The following MAOB variants were observed in gnomAD, a reference collection of about 807,000 sequenced individuals.
MAOB encodes amine oxidase [flavin-containing] B.
In MAOB, 15 loss-of-function variants were observed where a neutral mutation model predicts 41.9. The ratio of observed to expected loss-of-function variants is 0.36; its 90% confidence interval spans 0.24 to 0.55. MAOB has a LOEUF of 0.55. MAOB is among the 20% of genes least tolerant of loss of function. MAOB has a pLI of 0.86. For missense variants in MAOB, 345 were observed against 398.7 expected (o/e 0.87, Z 1.15); for synonymous variants, 167 against 144.2 (o/e 1.16, Z -1.13).
intron 1 of MAOB, among the ~76,000 whole-genome samples, chrX:43,847,875 C>T (rs1003722005): frequency 5.4e-5 from 6 of 112,131 alleles, no homozygotes; most frequent in African/African-American, 1.9e-4. Flanking sequence ...GTCCCTATGT[C>T]CCCATGACAG....
At chrX:43,805,370 C>T (rs7062575) in intron 3 of MAOB, among the ~76,000 whole-genome samples, 294 of 111,651 alleles carry the variant, frequency 2.6e-3, no homozygotes, top group African/African-American at 8.8e-3. Flanking sequence ...CACATGTGTA[C>T]ACCTATGTAA....
chrX:43,801,091 C>T (rs1015812291), intron 5 of MAOB, among the ~76,000 whole-genome samples: 4 of 108,223 alleles, frequency 3.7e-5, no homozygotes, highest in African/African-American at 1.3e-4. Flanking sequence ...TTCTCCCTCT[C>T]CCTCTCTCCT....
chrX:43,817,546 G>C lies in MAOB; in HGVS notation c.280-14142C>G, dbSNP rs141760365. On this transcript the variant is annotated intron_variant, in intron 3 of 14. Coordinates refer to ENST00000378069, the MANE Select transcript of MAOB (RefSeq NM_000898.5). ...TCTCCTAGCAGTCAGAGTGAGTCTTGTAAGATATAATTCAGAACATGTCAC... is the reference window on the plus strand; with the variant it reads ...TCTCCTAGCAGTCAGAGTGAGTCTTCTAAGATATAATTCAGAACATGTCAC... Among the ~76,000 whole-genome samples, 691 of 111,716 alleles carry C rather than the reference G, an allele frequency of 6.2e-3. 5 individuals are homozygous for C. Among genetic ancestry groups the C allele is most frequent in the African/African-American group, 0.021 (640 of 30,725 alleles).
At position 43,793,468 on chromosome X, in the gene MAOB, T is replaced by C. The variant is rs1296828034; in HGVS notation, c.879A>G (p.Ser293=). 1.7e-6 allele frequency: 2 copies of C among 1,207,180 alleles called. No individual in the cohort carries two copies. The highest frequency in any genetic ancestry group is 3.0e-5 in the East Asian group (1 of 33,768). Residue 293 remains serine (S), a synonymous_variant, in exon 8 of 15, where the codon TCA becomes TCG. Coordinates refer to ENST00000378069, the MANE Select transcript of MAOB (RefSeq NM_000898.5). Reference sequence around the variant, plus strand: ...TATAATAAACTATACACTTGATGACTGAACCCAAAGGCACACGAGTGATCA... The same window carrying C: ...TATAATAAACTATACACTTGATGACCGAACCCAAAGGCACACGAGTGATCA... The part of the protein sequence containing the change: ...NQMITRVPLG[S]VIKCIVYYKE...
chrX:43,767,438 A>C lies in MAOB; in HGVS notation c.*28T>G. On this transcript the variant is annotated 3_prime_UTR_variant, in exon 15 of 15. Transcript: ENST00000378069. The stretch of plus-strand genomic sequence containing the variant: ...CTCATATCCCAAATACAGTAAGAAG[A>C]GAGTGTGATTACAGACACCCTCTCT... 1 of 1,187,443 alleles carries C rather than the reference A, an allele frequency of 8.4e-7. No homozygotes were observed. The highest frequency in any genetic ancestry group is 1.1e-6 in the Non-Finnish European group (1 of 879,103).
intron 8 of MAOB, among the ~76,000 whole-genome samples, chrX:43,792,665 C>T (rs1330438789): frequency 9.0e-6 from 1 of 111,587 alleles, no homozygotes; most frequent in Non-Finnish European, 1.9e-5. Context: ...GTCAGAATGG[C>T]TATTATTAAA....
At chrX:43,835,344 G>C (rs2035060301) in intron 3 of MAOB, among the ~76,000 whole-genome samples, 1 of 111,828 alleles carries the variant, frequency 8.9e-6, no homozygotes, top group Non-Finnish European at 1.9e-5. Context: ...TTGTAAAACG[G>C]ATCAAAAATC....
chrX:43,847,060 C>G (rs2035210364), intron 1 of MAOB, among the ~76,000 whole-genome samples: 1 of 112,396 alleles, frequency 8.9e-6, no homozygotes, highest in South Asian at 3.7e-4. Flanking sequence ...AATGAAAATA[C>G]TGGCCAGGCA....
At chrX:43,788,766 C>T (rs1022941383) in intron 8 of MAOB, among the ~76,000 whole-genome samples, 11 of 111,102 alleles carry the variant, frequency 9.9e-5, no homozygotes, top group African/African-American at 3.6e-4. Flanking sequence ...TTTTAAAAAA[C>T]ATGTTTTTGG....
intron 5 of MAOB, among the ~76,000 whole-genome samples, chrX:43,799,326 T>A (rs1352166896): frequency 8.9e-6 from 1 of 112,420 alleles, no homozygotes; most frequent in Non-Finnish European, 1.9e-5. Flanking sequence ...AGACGTCAAT[T>A]TAAAATAAAA....
chrX:43,813,299 T>G (rs987898721), intron 3 of MAOB, among the ~76,000 whole-genome samples: 6 of 112,297 alleles, frequency 5.3e-5, no homozygotes, highest in Non-Finnish European at 1.1e-4. Flanking sequence ...AAGCTGCTGA[T>G]AGTTTCATCT....
At chrX:43,837,979 G>A (rs2035090717) in intron 3 of MAOB, 2 of 331,172 alleles carry the variant, frequency 6.0e-6, no homozygotes, top group African/African-American at 5.2e-5. Context: ...CAGCAGCATG[G>A]TGGGAGACTG....
chrX:43,847,953 A>G (rs1338937109), intron 1 of MAOB, among the ~76,000 whole-genome samples: 1 of 112,677 alleles, frequency 8.9e-6, no homozygotes, highest in Non-Finnish European at 1.9e-5. Flanking sequence ...ATGTTATGAA[A>G]TTATAAAAAT....
intron 3 of MAOB, among the ~76,000 whole-genome samples, chrX:43,828,997 T>C (rs1485208989): frequency 1.8e-5 from 2 of 112,000 alleles, no homozygotes; most frequent in Non-Finnish European, 3.8e-5. Flanking sequence ...GGAGCCACCA[T>C]GTACATATGA....
intron 12 of MAOB, among the ~76,000 whole-genome samples, chrX:43,771,427 C>T (rs1349457864): frequency 9.0e-6 from 1 of 111,665 alleles, no homozygotes; most frequent in Non-Finnish European, 1.9e-5. Flanking sequence ...AGCGCATTTT[C>T]CACTTATAAT....
At chrX:43,868,644 G>C (rs2035380699) in intron 1 of MAOB, among the ~76,000 whole-genome samples, 1 of 110,937 alleles carries the variant, frequency 9.0e-6, no homozygotes, top group African/African-American at 3.3e-5. Flanking sequence ...ATAAGGCCAG[G>C]AATATCATAC....
intron 3 of MAOB, among the ~76,000 whole-genome samples, chrX:43,810,018 C>T (rs879047982): frequency 4.0e-5 from 4 of 99,150 alleles, no homozygotes; most frequent in East Asian, 5.9e-4. Flanking sequence ...CCGAGGCGGG[C>T]GGATCACGAG....
At chrX:43,869,688 T>A (rs747471555) in intron 1 of MAOB, among the ~76,000 whole-genome samples, 48 of 112,443 alleles carry the variant, frequency 4.3e-4, no homozygotes, top group African/African-American at 1.5e-3. Flanking sequence ...TTTTTCTGAC[T>A]CTTACATCAT....
chrX:43,794,775 G>A (rs998695446), intron 7 of MAOB, among the ~76,000 whole-genome samples: 1 of 109,810 alleles, frequency 9.1e-6, no homozygotes, highest in African/African-American at 3.3e-5. Flanking sequence ...TGTCTATAAA[G>A]TGTGTGACAT....
Sources: gnomAD v4.1 joint callset for allele counts (sites outside exome capture counted in the v4.1 genomes callset) on GRCh38, gnomAD v4.1.1 for gene constraint, MANE v1.5 for transcripts, NCBI Gene and HGNC (gene_info 2026-07-23, HGNC 2026-07-21) for gene names.